CTNNA2: variants seen among roughly 807,000 people sequenced by gnomAD.
CTNNA2 encodes the protein catenin alpha 2.
In CTNNA2, 42 loss-of-function variants were observed where a neutral mutation model predicts 101.0. The ratio of observed to expected loss-of-function variants is 0.42; its 90% confidence interval spans 0.32 to 0.54. The LOEUF is 0.54. Among genes scored for constraint, CTNNA2 ranks in the 20% least tolerant of loss-of-function variants. The pLI, the probability that CTNNA2 is intolerant of heterozygous loss-of-function variation, is 0.14. For missense variants in CTNNA2, 871 were observed against 1,223.1 expected, an observed-to-expected ratio of 0.71 and a Z score of 4.29; for synonymous variants, 450 against 456.4, an observed-to-expected ratio of 0.99 and a Z score of 0.18.
At chr2:80,405,734 C>T (rs951220724) in intron 8 of CTNNA2, among the ~76,000 whole-genome samples, 1 of 152,104 alleles carries the variant, frequency 6.6e-6, no homozygotes, top group African/African-American at 2.4e-5. Flanking sequence ...CTGGTGCATT[C>T]ATTGAGAAAT....
chr2:79,699,820 C>G (rs974012367), intron 2 of CTNNA2, among the ~76,000 whole-genome samples: 1 of 134,604 alleles, frequency 7.4e-6, no homozygotes, highest in South Asian at 2.3e-4. Context: ...CACACACACA[C>G]ACACACACAC....
chr2:79,728,119 T>C (rs1686972510), intron 2 of CTNNA2, among the ~76,000 whole-genome samples: 1 of 152,116 alleles, frequency 6.6e-6, no homozygotes, highest in Non-Finnish European at 1.5e-5. Context: ...GGTCAAATGG[T>C]ATTTCTAGTT....
rs567168414 is a variant in CTNNA2 at position 80,088,287 on chromosome 2, C to A, written c.1056+178490C>A. On this transcript the variant is annotated intron_variant, in intron 7 of 18. Coordinates refer to ENST00000402739, the MANE Select transcript of CTNNA2 (RefSeq NM_001282597.3). ...GTTTTACTGAAATCATCTTATTAAA[C>A]CCATATATGATTCCTACAAGGCAGA... Among the ~76,000 whole-genome samples the A allele has an allele frequency of 6.6e-5, 10 of 152,088 alleles. No homozygotes were observed. In the East Asian group the frequency reaches 1.7e-3, roughly 26 times the overall value.
At chr2:80,484,239 G>C (rs997953093) in intron 9 of CTNNA2, among the ~76,000 whole-genome samples, 1 of 152,056 alleles carries the variant, frequency 6.6e-6, no homozygotes, top group Non-Finnish European at 1.5e-5. Context: ...TTTAAAGCAA[G>C]ATTTGTGATA....
chr2:80,420,059 A>C (rs1680395103), intron 9 of CTNNA2, among the ~76,000 whole-genome samples: 1 of 150,052 alleles, frequency 6.7e-6, no homozygotes, highest in Admixed American at 6.6e-5. Context: ...AAAAAAAAAA[A>C]AAAACCCACC....
At chr2:80,573,053 T>G (rs1490497297) in intron 12 of CTNNA2, 1 of 152,118 alleles carries the variant, frequency 6.6e-6, no homozygotes, top group East Asian at 1.9e-4. Context: ...TATTAAAGTA[T>G]CCACAGAGGA....
At position 79,900,806 on chromosome 2, in the gene CTNNA2, A is replaced by T. The variant is rs149462204; in HGVS notation, c.853-8788A>T. On this transcript the variant is annotated intron_variant, in intron 6 of 18. Transcript: ENST00000402739. ...AAAATAACTAAAAGAGTATAATGGG[A>T]ATGTTTGTAACACAGAGAAACGATA... Among the ~76,000 whole-genome samples the T allele has an allele frequency of 3.0e-4, 46 of 152,322 alleles. No homozygotes were observed. The East Asian group carries it at 7.9e-3, about 26-fold the overall frequency.
intron 7 of CTNNA2, among the ~76,000 whole-genome samples, chr2:80,247,322 C>A (rs146331344): frequency 6.6e-6 from 1 of 152,144 alleles, no homozygotes; most frequent in African/African-American, 2.4e-5. Context: ...TTTGCTGTAC[C>A]GCTTTGACCA....
intron 7 of CTNNA2, among the ~76,000 whole-genome samples, chr2:80,099,016 C>T (rs1700364849): frequency 1.3e-5 from 2 of 151,988 alleles, no homozygotes; most frequent in East Asian, 2.0e-4. Flanking sequence ...CACTGTCCTG[C>T]ACCCACTGTC....
intron 9 of CTNNA2, among the ~76,000 whole-genome samples, chr2:80,470,809 A>G (rs1685239599): frequency 6.6e-6 from 1 of 152,208 alleles, no homozygotes; most frequent in Non-Finnish European, 1.5e-5. Flanking sequence ...ATGAAATAAT[A>G]GTGATAAAGT....
chr2:79,402,849 A>G (rs2104482472), intron 4 of CTNNA2, among the ~76,000 whole-genome samples: 1 of 152,014 alleles, frequency 6.6e-6, no homozygotes, highest in South Asian at 2.1e-4. Context: ...TATGGAAATT[A>G]CACAGCACAG....
intron 7 of CTNNA2, among the ~76,000 whole-genome samples, chr2:80,362,648 C>T (rs915305597): frequency 8.4e-6 from 1 of 119,522 alleles, no homozygotes; most frequent in Non-Finnish European, 1.7e-5. Flanking sequence ...TTAAAAGAGT[C>T]TCTCTCTACA....
chr2:80,192,940 A>C (rs1007453112), intron 7 of CTNNA2, among the ~76,000 whole-genome samples: 1 of 144,970 alleles, frequency 6.9e-6, no homozygotes, highest in Admixed American at 7.1e-5. Flanking sequence ...GTATTTTGGG[A>C]GTGTGTATAG....
At chr2:79,790,096 T>C (rs926463313) in intron 3 of CTNNA2, among the ~76,000 whole-genome samples, 2 of 152,208 alleles carry the variant, frequency 1.3e-5, no homozygotes, top group African/African-American at 2.4e-5. Flanking sequence ...CAAATAGTGA[T>C]GATGTAGTCA....
At chr2:79,273,933 T>C (rs1262548794) in intron 2 of CTNNA2, among the ~76,000 whole-genome samples, 1 of 152,028 alleles carries the variant, frequency 6.6e-6, no homozygotes, top group Non-Finnish European at 1.5e-5. Flanking sequence ...CTCTTTGTGG[T>C]CTGAGATCTG....
At chr2:80,538,697 TGGC>T (rs1691262372) in intron 9 of CTNNA2, among the ~76,000 whole-genome samples, 1 of 152,234 alleles carries the variant, frequency 6.6e-6, no homozygotes, top group African/African-American at 2.4e-5. Context: ...AGGATTGTCT[TGGC>T]TATACAGGCT....
At chr2:80,640,464 ATAACT>A (rs1558670470) in intron 18 of CTNNA2, among the ~76,000 whole-genome samples, 3 of 152,222 alleles carry the variant, frequency 2.0e-5, no homozygotes, top group Non-Finnish European at 2.9e-5. Context: ...ACATTCTGAG[ATAACT>A]TAAGTGGGAA....
At chr2:79,894,108 C>G (rs978654848) in intron 6 of CTNNA2, among the ~76,000 whole-genome samples, 5 of 150,714 alleles carry the variant, frequency 3.3e-5, no homozygotes, top group Non-Finnish European at 7.4e-5. Context: ...TCTTCCTCTT[C>G]TTCTTTTTTA....
At chr2:80,339,035 G>A (rs1671997069) in intron 7 of CTNNA2, among the ~76,000 whole-genome samples, 1 of 152,198 alleles carries the variant, frequency 6.6e-6, no homozygotes, top group Non-Finnish European at 1.5e-5. Context: ...GGCACAATGA[G>A]TGGTATTTGC....
Sources: gnomAD v4.1 joint callset for allele counts (sites outside exome capture counted in the v4.1 genomes callset) on GRCh38, gnomAD v4.1.1 for gene constraint, MANE v1.5 for transcripts, NCBI Gene and HGNC (gene_info 2026-07-23, HGNC 2026-07-21) for gene names.